Variants in PPP2R5E observed in about 807,000 individuals in gnomAD.
PPP2R5E encodes protein phosphatase 2 regulatory subunit B'epsilon, also known as serine/threonine-protein phosphatase 2A 56 kDa regulatory subunit epsilon isoform.
Under a neutral mutation model 65.3 loss-of-function variants are expected in PPP2R5E, and 4 were observed. The ratio of observed to expected loss-of-function variants is 0.06; its 90% CI spans 0.03 to 0.14. The LOEUF (loss-of-function observed/expected upper bound fraction) is 0.14, where lower values mean the gene tolerates loss of function less well. Among genes scored for constraint, PPP2R5E ranks in the 10% least tolerant of loss-of-function variants. The pLI is 1.00. For missense variants in PPP2R5E, 274 were observed against 556.1 expected (o/e 0.49, Z 5.10); for synonymous variants, 183 against 187.4 (o/e 0.98, Z 0.19).
chr14:63,379,517 C>T (rs1884189582), intron 13 of PPP2R5E, among the ~76,000 whole-genome samples: 1 of 152,234 alleles, frequency 6.6e-6, no homozygotes, highest in Non-Finnish European at 1.5e-5. Flanking sequence ...GGTGATCCGC[C>T]TGCCTTGGCC....
At chr14:63,494,634 C>A (rs1891449663) in intron 2 of PPP2R5E, among the ~76,000 whole-genome samples, 1 of 151,874 alleles carries the variant, frequency 6.6e-6, no homozygotes, top group Admixed American at 6.6e-5. Context: ...GTGGATCATG[C>A]CTGTAATCCC....
chr14:63,391,791 A>C (rs1178549860), intron 10 of PPP2R5E, 26 bp downstream of exon 10: 5 of 1,606,400 alleles, frequency 3.1e-6, no homozygotes, highest in East Asian at 2.2e-5. Flanking sequence ...GTAAGCTATG[A>C]ACACTCTCTG....
At chr14:63,455,555 C>T (rs1223414584) in intron 2 of PPP2R5E, among the ~76,000 whole-genome samples, 4 of 152,086 alleles carry the variant, frequency 2.6e-5, no homozygotes, top group Non-Finnish European at 5.9e-5. Flanking sequence ...TCCTATGCCC[C>T]CCTGGATTTA....
At chr14:63,475,662 A>AAAG (rs1890373124) in intron 2 of PPP2R5E, among the ~76,000 whole-genome samples, 1 of 152,238 alleles carries the variant, frequency 6.6e-6, no homozygotes, top group Non-Finnish European at 1.5e-5. Flanking sequence ...CTACAAAGGC[A>AAAG]AAGAAGAACT....
chr14:63,384,636 A>G (rs1884552345), intron 11 of PPP2R5E, 65 bp from the exon 12 acceptor site: 1 of 1,387,106 alleles, frequency 7.2e-7, no homozygotes, highest in African/African-American at 1.5e-5. Context: ...AAAATTATAA[A>G]TCTTTCCAAA....
chr14:63,438,599 A>T (rs139446476), intron 3 of PPP2R5E, among the ~76,000 whole-genome samples: 1 of 152,316 alleles, frequency 6.6e-6, no homozygotes, highest in African/African-American at 2.4e-5. Flanking sequence ...CATTACAGTG[A>T]GATATTATTG....
At chr14:63,459,351 G>A (rs1308499454) in intron 2 of PPP2R5E, among the ~76,000 whole-genome samples, 8 of 152,050 alleles carry the variant, frequency 5.3e-5, no homozygotes, top group Non-Finnish European at 7.4e-5. Flanking sequence ...TATTTTATTA[G>A]TAGAACTAAG....
At chr14:63,468,227 T>G (rs74057459) in intron 2 of PPP2R5E, among the ~76,000 whole-genome samples, 2,595 of 152,310 alleles carry the variant, frequency 0.017, 72 homozygotes, top group African/African-American at 0.059. Context: ...ATTTTCCATA[T>G]TCTAGGCATT....
At chr14:63,427,558 T>C (rs1170134348) in intron 3 of PPP2R5E, among the ~76,000 whole-genome samples, 4 of 151,988 alleles carry the variant, frequency 2.6e-5, no homozygotes, top group Non-Finnish European at 4.4e-5. Flanking sequence ...GGCAGGAGGA[T>C]CACTTGAGGC....
intron 5 of PPP2R5E, among the ~76,000 whole-genome samples, chr14:63,400,042 G>T (rs925859896): frequency 3.3e-5 from 5 of 152,082 alleles, no homozygotes; most frequent in Admixed American, 3.3e-4. Flanking sequence ...ACTAAAGGAT[G>T]GTCTTCAAAA....
chr14:63,525,688 A>C (rs111963815), intron 2 of PPP2R5E, among the ~76,000 whole-genome samples: 1 of 152,184 alleles, frequency 6.6e-6, no homozygotes, highest in Non-Finnish European at 1.5e-5. Flanking sequence ...GGCCCTCTAA[A>C]ACTCACCCAC....
chr14:63,537,061 T>C (rs1206614354), intron 2 of PPP2R5E, among the ~76,000 whole-genome samples: 1 of 152,196 alleles, frequency 6.6e-6, no homozygotes, highest in African/African-American at 2.4e-5. Flanking sequence ...AAAAAAGACA[T>C]GAAAGCATTA....
chr14:63,465,468 AAAAAACAAC>A (rs532689651), intron 2 of PPP2R5E, among the ~76,000 whole-genome samples: 2,810 of 83,336 alleles, frequency 0.034, 158 homozygotes, highest in African/African-American at 0.18. Flanking sequence ...AAAAAAAAAA[AAAAAACAAC>A]AACTAACAAA....
intron 2 of PPP2R5E, among the ~76,000 whole-genome samples, chr14:63,460,274 C>G (rs574528907): frequency 2.6e-5 from 4 of 152,130 alleles, no homozygotes; most frequent in African/African-American, 9.7e-5. Flanking sequence ...GAAACTGACA[C>G]CCAGAAAGGC....
At chr14:63,380,213 A>T (rs1296739382) in intron 13 of PPP2R5E, among the ~76,000 whole-genome samples, 1 of 152,156 alleles carries the variant, frequency 6.6e-6, no homozygotes, top group African/African-American at 2.4e-5. Context: ...CTTTCAGAGA[A>T]GATGTTATGC....
intron 5 of PPP2R5E, among the ~76,000 whole-genome samples, chr14:63,408,258 T>C (rs944428678): frequency 3.3e-5 from 5 of 152,200 alleles, no homozygotes; most frequent in African/African-American, 9.7e-5. Flanking sequence ...CAATAACCTT[T>C]GTATATATAT....
chr14:63,461,078 T>A (rs141457364), intron 2 of PPP2R5E, among the ~76,000 whole-genome samples: 81 of 152,324 alleles, frequency 5.3e-4, no homozygotes, highest in South Asian at 1.0e-3. Flanking sequence ...GTTTAATTAT[T>A]TTCCTGCCAC....
At chr14:63,411,384 C>T (rs914832256) in intron 5 of PPP2R5E, among the ~76,000 whole-genome samples, 2 of 152,210 alleles carry the variant, frequency 1.3e-5, no homozygotes, top group African/African-American at 4.8e-5. Context: ...GCTAGTTTAA[C>T]AACTTTTTCT....
At chr14:63,383,311 A>G (rs1181360310) in intron 12 of PPP2R5E, among the ~76,000 whole-genome samples, 1 of 152,234 alleles carries the variant, frequency 6.6e-6, no homozygotes, top group Non-Finnish European at 1.5e-5. Context: ...TATTAAATAA[A>G]CCATGAGTCT....
Sources: allele counts gnomAD v4.1 joint callset (sites outside exome capture counted in the v4.1 genomes callset), GRCh38; gene constraint gnomAD v4.1.1; transcripts MANE v1.5; gene names NCBI Gene and HGNC (gene_info 2026-07-23, HGNC 2026-07-21).